Variants in ARHGEF10 observed in about 807,000 individuals in gnomAD.
The protein encoded by ARHGEF10 is Rho guanine nucleotide exchange factor (GEF) 10.
In ARHGEF10, 140 loss-of-function variants were observed where a neutral mutation model predicts 147.4. The observed-to-expected ratio is 0.95, with a 90% CI of 0.83 to 1.09. The LOEUF (loss-of-function observed/expected upper bound fraction) is 1.09. ARHGEF10 is among the 50% of genes least tolerant of loss of function. ARHGEF10 has a pLI of 0.00. For synonymous variants in ARHGEF10, 902 were observed against 695.8 expected (o/e 1.30, Z -4.67); for missense variants, 2,222 against 1,752.7 (o/e 1.27, Z -4.78).
chr8:1,823,541 G>A (rs1421450693), upstream of ARHGEF10, among the ~76,000 whole-genome samples: 1 of 152,142 alleles, frequency 6.6e-6, no homozygotes, highest in Admixed American at 6.5e-5. Context: ...GAGAGGGTTA[G>A]GGTCTGCCCG....
chr8:1,833,011 G>C (rs1337466911), intron 1 of ARHGEF10, among the ~76,000 whole-genome samples: 2 of 123,670 alleles, frequency 1.6e-5, no homozygotes, highest in Non-Finnish European at 3.5e-5. Context: ...CAGGCAGAGA[G>C]AGACAGAGGC....
At chr8:1,882,798 G>A (rs750649331) in intron 10 of ARHGEF10, 49 bp downstream of exon 10, 55 of 968,232 alleles carry the variant, frequency 5.7e-5, no homozygotes, top group Non-Finnish European at 6.5e-5. Context: ...GTTGGGGGGG[G>A]CGGCCACATC....
intron 18 of ARHGEF10, among the ~76,000 whole-genome samples, chr8:1,913,199 G>A (rs1276197073): frequency 6.6e-6 from 1 of 152,114 alleles, no homozygotes; most frequent in African/African-American, 2.4e-5. Context: ...GAGGAGAGGT[G>A]AGATCAGTTG....
chr8:1,871,804 G>A lies in ARHGEF10; in HGVS notation c.679+2554G>A, dbSNP rs544270535. On this transcript the variant is annotated intron_variant, in intron 7 of 28. Transcript: ENST00000349830. Reference sequence around the variant, plus strand: ...TACACTCCAGCCTGGGCAACAGAGCGAGACTCCCTCTGAAAAAACAAAACA... The same window carrying A: ...TACACTCCAGCCTGGGCAACAGAGCAAGACTCCCTCTGAAAAAACAAAACA... 7.2e-5 allele frequency among the ~76,000 whole-genome samples: 11 copies of A among 152,264 alleles called. No individual in the cohort carries two copies. The South Asian group carries it at 1.7e-3, about 23-fold the overall frequency.
rs1475418700 is a variant in ARHGEF10 at position 1,866,589 on chromosome 8, A to G, written c.609A>G (p.Thr203=). ...LARWAADPAN[T]AWMENPEEAI... The stretch of plus-strand genomic sequence containing the variant: ...GCTGGGCCGCAGACCCGGCCAACAC[A>G]GCCTGGATGGAGAGTAAGTTCCCCA... Residue 203 remains threonine, a synonymous_variant, in exon 6 of 29, where the codon ACA becomes ACG. Coordinates refer to ENST00000349830, the MANE Select transcript of ARHGEF10 (RefSeq NM_014629.4). 1 of 1,606,072 alleles carries G rather than the reference A, an allele frequency of 6.2e-7. No individual in the cohort carries two copies. Among genetic ancestry groups the G allele is most frequent in the East Asian group, 2.2e-5 (1 of 44,884 alleles).
In ARHGEF10 at chr8:1,903,320, C is replaced by T; in HGVS notation, c.1690C>T (p.Leu564=). The T allele has an allele frequency of 6.2e-7, 1 of 1,614,150 alleles. No individual in the cohort carries two copies. Among genetic ancestry groups the T allele is most frequent in the Non-Finnish European group, 8.5e-7 (1 of 1,180,038 alleles). The change falls in exon 16 of 29, where the codon CTG becomes TTG. Residue 564 remains leucine, a synonymous_variant. Transcript: ENST00000349830. ...CACCTCCAAAGGCCACCCCGACAGG[C>T]TGCCTCTTCAGATGGCCCTGACAGA... ...KNTSKGHPDR[L]PLQMALTELE...
At chr8:1,923,235 G>A (rs1812433809) in intron 19 of ARHGEF10, 156 bp downstream of exon 19, 1 of 850,360 alleles carries the variant, frequency 1.2e-6, no homozygotes, top group South Asian at 1.7e-5. Context: ...GATAAGGTGA[G>A]ACTATTTAAT....
At chr8:1,880,208 C>A in intron 9 of ARHGEF10, 44 bp downstream of exon 9, 1 of 1,452,332 alleles carries the variant, frequency 6.9e-7, no homozygotes. Context: ...GCCAGCCGGG[C>A]AGTAAAGAAA....
intron 2 of ARHGEF10, among the ~76,000 whole-genome samples, chr8:1,853,060 GGGTGGTT>G (rs1193517811): frequency 7.9e-5 from 9 of 114,642 alleles, no homozygotes; most frequent in African/African-American, 3.6e-4. Context: ...GGGCGCTGGC[GGGTGGTT>G]AGATTTGGGC....
chr8:1,918,349 T>C (rs576020985), intron 18 of ARHGEF10, among the ~76,000 whole-genome samples: 1 of 152,178 alleles, frequency 6.6e-6, no homozygotes, highest in East Asian at 1.9e-4. Context: ...CGTCAGCACA[T>C]TTCCATGGTC....
In ARHGEF10 at chr8:1,957,296, C is replaced by T; in HGVS notation, c.*33C>T. 1.3e-6 allele frequency: 2 copies of T among 1,596,016 alleles called. No homozygotes were observed. The highest frequency in any genetic ancestry group is 1.7e-6 in the Non-Finnish European group (2 of 1,174,160). ...GGCCGCCTTCTGCTGTCAGAATTTG[C>T]AATCAAGGGTGACTTCTCAGCTAAT... On this transcript the variant is annotated 3_prime_UTR_variant, in exon 29 of 29. Coordinates refer to ENST00000349830, the MANE Select transcript of ARHGEF10 (RefSeq NM_014629.4).
At chr8:1,866,148 T>C (rs564030571) in intron 5 of ARHGEF10, among the ~76,000 whole-genome samples, 2 of 152,284 alleles carry the variant, frequency 1.3e-5, no homozygotes, top group South Asian at 4.1e-4. Flanking sequence ...GACGGCCCAT[T>C]GCCCGCTGGC....
At chr8:1,914,453 G>A (rs1458547127) in intron 18 of ARHGEF10, among the ~76,000 whole-genome samples, 1 of 152,236 alleles carries the variant, frequency 6.6e-6, no homozygotes, top group Non-Finnish European at 1.5e-5. Context: ...GGCCTCGCCT[G>A]TAGGCAGGGA....
chr8:1,945,649 C>A lies in ARHGEF10; in HGVS notation c.3391C>A (p.Leu1131Met). 1 of 1,614,236 alleles carries A rather than the reference C, an allele frequency of 6.2e-7. No individual in the cohort carries two copies. Among genetic ancestry groups the A allele is most frequent in the Non-Finnish European group, 8.5e-7 (1 of 1,180,012 alleles). ...CATCGCCACCCCTGTTCACAACATG[C>A]TGCCAGGTAAGGGGACGGGACGGGG... is the stretch of plus-strand genomic sequence containing the variant. ...INIATPVHNM[L>M]PGHQRLSVTS... The change falls in exon 27 of 29, where the codon CTG becomes ATG. Residue 1131 changes from leucine (L) to methionine (M), a missense_variant. Physicochemically the swap from Leu to Met is conservative, Grantham distance 15. Transcript: ENST00000349830.
rs1811158928 is a variant in ARHGEF10 at position 1,909,215 on chromosome 8, C to T, written c.1968-80C>T. The T allele has an allele frequency of 1.9e-6, 3 of 1,589,506 alleles. No homozygotes were observed. The African/African-American group carries it at 4.0e-5, about 21-fold the overall frequency. On this transcript the variant is annotated intron_variant, in intron 17 of 28. Transcript: ENST00000349830. The stretch of plus-strand genomic sequence containing the variant: ...CAATTCAGCAGTGGGAAGTTTCTCA[C>T]TTGAACATCTGAGGGATGAACATTA...
At chr8:1,862,373 G>A (rs929200746) in intron 4 of ARHGEF10, among the ~76,000 whole-genome samples, 5 of 152,244 alleles carry the variant, frequency 3.3e-5, no homozygotes, top group African/African-American at 1.2e-4. Context: ...TATTTTTCCT[G>A]CCTACCGAAA....
chr8:1,922,875 T>C, intron 18 of ARHGEF10, 89 bp from the exon 19 acceptor site: 1 of 882,508 alleles, frequency 1.1e-6, no homozygotes, highest in Admixed American at 2.1e-5. Context: ...AAAAATTATT[T>C]AGTATTTGAG....
chr8:1,908,380 A>G (rs553310923), intron 17 of ARHGEF10, among the ~76,000 whole-genome samples: 2,052 of 151,780 alleles, frequency 0.014, 42 homozygotes, highest in African/African-American at 0.037. Flanking sequence ...ACAGGCACCC[A>G]CCACCACACC....
chr8:1,895,930 G>C (rs1809935996), intron 13 of ARHGEF10, among the ~76,000 whole-genome samples: 1 of 152,152 alleles, frequency 6.6e-6, no homozygotes, highest in Non-Finnish European at 1.5e-5. Flanking sequence ...GGGTGTGGTT[G>C]AGGCCTGTTT....
Sources: gnomAD v4.1 joint callset for allele counts (sites outside exome capture counted in the v4.1 genomes callset) on GRCh38, gnomAD v4.1.1 for gene constraint, MANE v1.5 for transcripts, NCBI Gene and HGNC (gene_info 2026-07-23, HGNC 2026-07-21) for gene names.